BOP1: variants seen among roughly 807,000 people sequenced by gnomAD.
BOP1 encodes the protein BOP1 ribosomal biogenesis factor.
In BOP1, 54 loss-of-function variants were observed where a neutral mutation model predicts 82.9. That is an observed-to-expected ratio of 0.65 (90% CI 0.52 to 0.82). BOP1 has a LOEUF of 0.82. Among genes scored for constraint, BOP1 ranks in the 40% least tolerant of loss-of-function variants. The pLI is 0.00. For missense variants in BOP1, 1,170 were observed against 1,072.0 expected (o/e 1.09, Z -1.28); for synonymous variants, 566 against 451.1 (o/e 1.25, Z -3.23).
intron 3 of BOP1, among the ~76,000 whole-genome samples, chr8:144,274,809 C>T (rs1845544027): frequency 1.3e-5 from 2 of 152,142 alleles, no homozygotes; most frequent in African/African-American, 4.8e-5. Flanking sequence ...GCCGAGGCCC[C>T]TCCCCCGGCC....
intron 3 of BOP1, among the ~76,000 whole-genome samples, chr8:144,270,405 G>GA (rs1370277207): frequency 2.6e-4 from 40 of 152,296 alleles, no homozygotes; most frequent in Middle Eastern, 3.4e-3. Context: ...CCTCGGAGCT[G>GA]AAAGGATCCC....
At chr8:144,267,085 C>A in intron 3 of BOP1, 1 of 1,373,664 alleles carries the variant, frequency 7.3e-7, no homozygotes, top group East Asian at 3.2e-5. Context: ...CGCCGGCAGC[C>A]CCCCGCCGCC....
Position 144,286,383 on chromosome 8 carries a change from G to A in BOP1, c.309+2712C>T, listed in dbSNP as rs934009603. 3.4e-5 allele frequency among the ~76,000 whole-genome samples: 5 copies of A among 148,660 alleles called. 1 individual carries two copies. The highest frequency in any genetic ancestry group is 5.0e-5 in the African/African-American group (2 of 40,148). ...CCCTCAGCTAAAGCACAGGACACGC[G>A]GGCAGGTGCATGGGCGCCACGGCAG... is the stretch of plus-strand genomic sequence containing the variant. On this transcript the variant is annotated intron_variant, in intron 2 of 15. Transcript: ENST00000569669.
At chr8:144,283,097 T>C (rs1244570542) in intron 2 of BOP1, among the ~76,000 whole-genome samples, 1 of 143,096 alleles carries the variant, frequency 7.0e-6, no homozygotes, top group Admixed American at 7.1e-5. Context: ...ACTCAGGAGG[T>C]TGAGGCACGA....
intron 2 of BOP1, 95 bp downstream of exon 2, chr8:144,289,000 G>A (rs1238879376): frequency 2.2e-6 from 3 of 1,374,552 alleles, no homozygotes; most frequent in African/African-American, 2.9e-5. Flanking sequence ...GGGTTCTGAG[G>A]GACGGTGGAG....
In BOP1 at chr8:144,263,408, GC is replaced by G; in HGVS notation, c.1425-8del. On this transcript the variant is annotated splice_polypyrimidine_tract_variant and splice_region_variant and intron_variant, in intron 11 of 15. Coordinates refer to ENST00000569669, the MANE Select transcript of BOP1 (RefSeq NM_015201.5). ...CAGCAGCACCGAGTCCTCCCTGTGAGCCAGGCCCAGACACGGCCCCTAAGCA... is the reference window on the plus strand; with the variant it reads ...CAGCAGCACCGAGTCCTCCCTGTGAGCAGGCCCAGACACGGCCCCTAAGCA... The G allele has an allele frequency of 6.3e-7, 1 of 1,597,798 alleles. No individual in the cohort carries two copies. Among genetic ancestry groups the G allele is most frequent in the Non-Finnish European group, 8.5e-7 (1 of 1,179,642 alleles).
At chr8:144,274,648 A>G (rs1845542067) in intron 3 of BOP1, among the ~76,000 whole-genome samples, 4 of 152,134 alleles carry the variant, frequency 2.6e-5, no homozygotes, top group African/African-American at 9.7e-5. Flanking sequence ...TCAGACCAAC[A>G]TATGGGATAG....
chr8:144,262,702 C>T (rs1042649688), intron 13 of BOP1, 30 bp from the exon 14 acceptor site: 4 of 1,610,284 alleles, frequency 2.5e-6, no homozygotes, highest in African/African-American at 2.7e-5. Context: ...TGCAGGTGTT[C>T]CCGCTCTCAC....
At chr8:144,268,450 G>GACTT (rs1845432547) in intron 3 of BOP1, 1 of 541,346 alleles carries the variant, frequency 1.8e-6, no homozygotes, top group African/African-American at 1.9e-5. Flanking sequence ...TGAAAATTTT[G>GACTT]TATAATTAAA....
rs1845321238 is a variant in BOP1, at chr8:144,264,945, G to C, written c.517C>G (p.Leu173Val). ...LRTRDELDQF[L>V]DKMDDPDYWR... Reference sequence around the variant, plus strand: ...TAGTCAGGATCGTCCATCTTGTCCAGGAACTGGTCCAGCTCATCCCGGGTC... The same window carrying C: ...TAGTCAGGATCGTCCATCTTGTCCACGAACTGGTCCAGCTCATCCCGGGTC... Residue 173 changes from leucine (L) to valine (V), a missense_variant, in exon 4 of 16, where the codon CTG becomes GTG. By Grantham distance (32) the Leu-to-Val change is conservative. Transcript: ENST00000569669. The C allele has an allele frequency of 1.2e-6, 2 of 1,611,664 alleles. No individual in the cohort carries two copies.
intron 3 of BOP1, among the ~76,000 whole-genome samples, chr8:144,271,234 C>G (rs962658338): frequency 4.1e-4 from 62 of 152,240 alleles, no homozygotes; most frequent in Non-Finnish European, 8.1e-4. Context: ...CGATGAGCCC[C>G]CTTCCCTCCC....
intron 2 of BOP1, among the ~76,000 whole-genome samples, chr8:144,282,737 C>G (rs1169784777): frequency 6.6e-6 from 1 of 152,128 alleles, no homozygotes; most frequent in African/African-American, 2.4e-5. Context: ...CCCCCAGACA[C>G]AGAGTACCCT....
In BOP1 at chr8:144,281,142, T is replaced by TCC. The variant is rs1845671154; in HGVS notation, c.310-4839_310-4838insGG. Among the ~76,000 whole-genome samples the TCC allele has an allele frequency of 2.2e-5, 3 of 133,424 alleles. 1 individual carries two copies. Among genetic ancestry groups the TCC allele is most frequent in the African/African-American group, 2.7e-5 (1 of 37,052 alleles). 87.5% of individuals were successfully genotyped at this position (133,424 alleles called of 152,430 possible). A position where few individuals can be genotyped will look rare whatever the true frequency, so the allele number is the denominator to read the frequency against. Reference sequence around the variant, plus strand: ...CAGTTTAATACCAGGTCTTAGGCCTTCTCTCAGTTTAATACCAGGTCTTCG... The same window carrying TCC: ...CAGTTTAATACCAGGTCTTAGGCCTTCCCTCTCAGTTTAATACCAGGTCTTCG... On this transcript the variant is annotated intron_variant, in intron 2 of 15. Coordinates refer to ENST00000569669, the MANE Select transcript of BOP1 (RefSeq NM_015201.5).
At chr8:144,272,599 G>C (rs1845508564) in intron 3 of BOP1, among the ~76,000 whole-genome samples, 1 of 152,168 alleles carries the variant, frequency 6.6e-6, no homozygotes, top group African/African-American at 2.4e-5. Context: ...GGTTCCAGCT[G>C]CCAAGGACAC....
Position 144,263,372 on chromosome 8 carries a change from G to C in BOP1, c.1454C>G (p.Ala485Gly). ...VEDSVLLLNP[A>G]LGDRLVAGST... Reference sequence around the variant, plus strand: ...GCCCGCCACCAGCCGGTCCCCCAGAGCTGGGTTCAGCAGCAGCACCGAGTC... The same window carrying C: ...GCCCGCCACCAGCCGGTCCCCCAGACCTGGGTTCAGCAGCAGCACCGAGTC... Residue 485 changes from alanine (A) to glycine (G), a missense_variant, in exon 12 of 16, where the codon GCT (alanine) becomes GGT (glycine). Transcript: ENST00000569669. 1 of 1,597,312 alleles carries C rather than the reference G, an allele frequency of 6.3e-7. No individual in the cohort carries two copies. Among genetic ancestry groups the C allele is most frequent in the Non-Finnish European group, 8.5e-7 (1 of 1,179,600 alleles).
In BOP1 at chr8:144,264,745, T is replaced by C; in HGVS notation, c.632A>G (p.Gln211Arg). Reference protein sequence around the residue: ...VALVRRLQSGQFGDVGFNPYE... With the variant: ...VALVRRLQSGRFGDVGFNPYE... ...GGGGTTGAAGCCCACATCCCCAAAC[T>C]GGCCACTCTGCAGCCGCCGCACCAG... Residue 211 changes from glutamine to arginine, a missense_variant, in exon 5 of 16, where the codon CAG becomes CGG. Coordinates refer to ENST00000569669, the MANE Select transcript of BOP1 (RefSeq NM_015201.5). The C allele has an allele frequency of 6.3e-7, 1 of 1,589,944 alleles. No individual in the cohort carries two copies. The highest frequency in any genetic ancestry group is 8.6e-7 in the Non-Finnish European group (1 of 1,169,308).
chr8:144,278,256 T>C (rs116229193), intron 2 of BOP1, among the ~76,000 whole-genome samples: 15 of 60,138 alleles, frequency 2.5e-4, no homozygotes, highest in Non-Finnish European at 5.1e-4. Flanking sequence ...GCCAGCAGGA[T>C]GCGGGGCCGC....
rs981637586 is a variant in BOP1, at chr8:144,263,536, C to T, written c.1366G>A (p.Val456Met). 35 of 1,600,112 alleles carry T rather than the reference C, an allele frequency of 2.2e-5. No individual in the cohort carries two copies. The highest frequency in any genetic ancestry group is 1.8e-4 in the Middle Eastern group (1 of 5,426). ...RCVRTVPVGGVVKSVAWNPSP... is the reference protein window; with the variant it reads ...RCVRTVPVGGMVKSVAWNPSP... ...GGGTTCCAGGCCACACTCTTCACCA[C>T]GCCCCCCACGGGAACAGTCCTCACA... The change falls in exon 11 of 16, where the codon GTG becomes ATG. Residue 456 changes from valine (V) to methionine (M), a missense_variant. Val to Met is a conservative substitution (Grantham distance 21). Transcript: ENST00000569669.
chr8:144,287,718 C>T (rs1382453685), intron 2 of BOP1, among the ~76,000 whole-genome samples: 2 of 152,140 alleles, frequency 1.3e-5, no homozygotes, highest in Non-Finnish European at 2.9e-5. Flanking sequence ...TGTCCATAAT[C>T]TTACAAACCA....
Sources: gnomAD v4.1 joint callset for allele counts (sites outside exome capture counted in the v4.1 genomes callset) on GRCh38, gnomAD v4.1.1 for gene constraint, MANE v1.5 for transcripts, NCBI Gene and HGNC (gene_info 2026-07-23, HGNC 2026-07-21) for gene names.